Variants in LATS1 observed in about 807,000 individuals in gnomAD.
LATS1 encodes serine/threonine-protein kinase LATS1.
Under a neutral mutation model 106.6 loss-of-function variants are expected in LATS1, and 25 were observed. The ratio of observed to expected loss-of-function variants is 0.23; its 90% CI spans 0.17 to 0.33. The LOEUF is 0.33. LATS1 is among the 10% of genes least tolerant of loss of function. LATS1 has a pLI of 1.00. For synonymous variants in LATS1, 465 were observed against 455.6 expected (o/e 1.02, Z -0.26); for missense variants, 1,040 against 1,382.6 (o/e 0.75, Z 3.93).
chr6:149,698,939 A>G (rs1359842711), intron 2 of LATS1, among the ~76,000 whole-genome samples: 2 of 152,058 alleles, frequency 1.3e-5, no homozygotes, highest in Non-Finnish European at 2.9e-5. Context: ...AATATACCCC[A>G]GTGATTGTAT....
intron 2 of LATS1, 145 bp downstream of exon 2, chr6:149,701,634 G>C (rs557731925): frequency 1.9e-6 from 1 of 537,294 alleles, no homozygotes; most frequent in Non-Finnish European, 3.2e-6. Context: ...AATTATAAAC[G>C]TAACATTCTT....
Position 149,695,316 on chromosome 6 carries a change from A to G in LATS1, c.349-95T>C, listed in dbSNP as rs1168029117. Reference sequence around the variant, plus strand: ...ACTATGAGTTCCACTAGAGAAATCCATAATTATGAAGAACACAGCCCCAAA... The same window carrying G: ...ACTATGAGTTCCACTAGAGAAATCCGTAATTATGAAGAACACAGCCCCAAA... On this transcript the variant is annotated intron_variant, in intron 2 of 7. Coordinates refer to ENST00000543571, the MANE Select transcript of LATS1 (RefSeq NM_004690.4). The G allele has an allele frequency of 1.8e-5, 13 of 741,508 alleles. No homozygotes were observed. The East Asian group carries it at 2.2e-4, about 13-fold the overall frequency. 45.9% of individuals were successfully genotyped at this position (741,508 alleles called of 1,614,324 possible). A position where few individuals can be genotyped will look rare whatever the true frequency, so the allele number is the denominator to read the frequency against.
chr6:149,685,472 G>C (rs1782320199), intron 3 of LATS1, among the ~76,000 whole-genome samples: 1 of 151,938 alleles, frequency 6.6e-6, no homozygotes, highest in Non-Finnish European at 1.5e-5. Flanking sequence ...TGCAACCTCC[G>C]TCTCCCGGGT....
At chr6:149,672,134 C>A (rs1294015099) in intron 7 of LATS1, among the ~76,000 whole-genome samples, 1 of 151,704 alleles carries the variant, frequency 6.6e-6, no homozygotes, top group Non-Finnish European at 1.5e-5. Flanking sequence ...CTCAAGTGAT[C>A]CGCCCACCTG....
At chr6:149,707,269 C>T (rs965791462) in intron 1 of LATS1, among the ~76,000 whole-genome samples, 2 of 151,978 alleles carry the variant, frequency 1.3e-5, no homozygotes, top group African/African-American at 4.8e-5. Flanking sequence ...CCGCCTTGGC[C>T]TCCCAAAGTG....
intron 1 of LATS1, among the ~76,000 whole-genome samples, chr6:149,707,831 G>A (rs1014003163): frequency 2.6e-5 from 4 of 152,118 alleles, no homozygotes; most frequent in African/African-American, 9.7e-5. Flanking sequence ...AACTGTTGTA[G>A]CTGAGTAATG....
At chr6:149,698,254 T>C (rs201646223) in intron 2 of LATS1, among the ~76,000 whole-genome samples, 7,083 of 135,950 alleles carry the variant, frequency 0.052, 238 homozygotes, top group Non-Finnish European at 0.073. Context: ...TTTTTTTTTT[T>C]CCCATTAGAG....
intron 7 of LATS1, among the ~76,000 whole-genome samples, chr6:149,667,398 C>T (rs969808710): frequency 1.9e-4 from 26 of 135,288 alleles, no homozygotes; most frequent in African/African-American, 6.0e-4. Flanking sequence ...GAAATCATGC[C>T]TCCGCACTCC....
At chr6:149,701,703 G>T in intron 2 of LATS1, 76 bp downstream of exon 2, 1 of 1,002,618 alleles carries the variant, frequency 1.0e-6, no homozygotes, top group Non-Finnish European at 1.5e-6. Context: ...GAAACATTTT[G>T]GCATGTTATC....
In LATS1 at chr6:149,661,719, T is replaced by C. The variant is rs1437493181; in HGVS notation, c.*10A>G. 2.6e-6 allele frequency: 4 copies of C among 1,526,988 alleles called. No homozygotes were observed. Among genetic ancestry groups the C allele is most frequent in the Admixed American group, 2.2e-5 (1 of 44,556 alleles). 94.6% of individuals were successfully genotyped at this position (1,526,988 alleles called of 1,614,324 possible). On this transcript the variant is annotated 3_prime_UTR_variant, in exon 8 of 8. Transcript: ENST00000543571. ...TTTACAAATCCTCATTACATTTATT[T>C]ACTAGTGTGTTAAACATATACTAGA... is the stretch of plus-strand genomic sequence containing the variant.
At chr6:149,715,313 C>T (rs985609970) in intron 1 of LATS1, among the ~76,000 whole-genome samples, 23 of 152,142 alleles carry the variant, frequency 1.5e-4, no homozygotes, top group African/African-American at 5.1e-4. Flanking sequence ...AGGTAATCCG[C>T]CCTCCTTGGC....
chr6:149,688,225 C>G (rs931780093), intron 3 of LATS1, among the ~76,000 whole-genome samples: 1 of 152,000 alleles, frequency 6.6e-6, no homozygotes, highest in Non-Finnish European at 1.5e-5. Context: ...AATCCATGGT[C>G]TATCACTTTG....
rs397772918 is a variant in LATS1, at chr6:149,661,122, G to GA, written c.*606dup. 6 of 147,164 alleles carry GA rather than the reference G, an allele frequency of 4.1e-5. No individual in the cohort carries two copies. The East Asian group carries it at 7.9e-4, about 19-fold the overall frequency. 9.1% of individuals were successfully genotyped at this position (147,164 alleles called of 1,614,324 possible). The stretch of plus-strand genomic sequence containing the variant: ...ATTCCATGGGGCGGGGGGTGGGGGG[G>GA]AAGATAAATGCATTATTTTTCCTTC... On this transcript the variant is annotated 3_prime_UTR_variant, in exon 8 of 8. Transcript: ENST00000543571.
chr6:149,679,420 C>T (rs1454723992), intron 5 of LATS1, among the ~76,000 whole-genome samples: 3 of 151,688 alleles, frequency 2.0e-5, no homozygotes, highest in Non-Finnish European at 4.4e-5. Flanking sequence ...GGCGTACTGG[C>T]AGGTGCTTAT....
chr6:149,717,748 C>A (rs992356280), intron 1 of LATS1, 101 bp downstream of exon 1: 3 of 265,206 alleles, frequency 1.1e-5, no homozygotes, highest in African/African-American at 7.1e-5. Context: ...GTCCAAACCT[C>A]TGGACCCTCG....
rs1327531500 is a variant in LATS1 at position 149,661,748 on chromosome 6, C to T, written c.3374G>A (p.Arg1125His). 14 of 1,566,774 alleles carry T rather than the reference C, an allele frequency of 8.9e-6. No individual in the cohort carries two copies. Among genetic ancestry groups the T allele is most frequent in the South Asian group, 3.6e-5 (3 of 82,988 alleles). ...AGTGTGTTAAACATATACTAGATCG[C>T]GATTTTTAATCTCTGAGCCTGTGTT... ...DQNTGSEIKN[R>H]DLVYV Residue 1125 changes from arginine to histidine, a missense_variant, in exon 8 of 8, where the codon CGC becomes CAC. By Grantham distance (29) the Arg-to-His change is conservative. Transcript: ENST00000543571.
chr6:149,700,097 T>G (rs185599501), intron 2 of LATS1, among the ~76,000 whole-genome samples: 2 of 152,250 alleles, frequency 1.3e-5, no homozygotes, highest in Admixed American at 1.3e-4. Flanking sequence ...CTGGTCCAAA[T>G]CCAGTATTTT....
intron 1 of LATS1, among the ~76,000 whole-genome samples, chr6:149,706,248 A>T (rs937387246): frequency 1.4e-5 from 2 of 138,052 alleles, no homozygotes; most frequent in Admixed American, 7.8e-5. Context: ...TATGCCTGTA[A>T]TCCCAACACT....
At chr6:149,671,824 C>G (rs994142306) in intron 7 of LATS1, among the ~76,000 whole-genome samples, 2 of 151,968 alleles carry the variant, frequency 1.3e-5, no homozygotes, top group African/African-American at 4.8e-5. Flanking sequence ...GAAGTTACAG[C>G]TTTACTACAT....
Sources: allele counts gnomAD v4.1 joint callset (sites outside exome capture counted in the v4.1 genomes callset), GRCh38; gene constraint gnomAD v4.1.1; transcripts MANE v1.5; gene names NCBI Gene and HGNC (gene_info 2026-07-23, HGNC 2026-07-21).